The following CACNB4 variants were observed in gnomAD, a reference collection of about 807,000 sequenced individuals.
The protein encoded by CACNB4 is calcium voltage-gated channel auxiliary subunit beta 4.
A neutral mutation model predicts 71.2 loss-of-function variants in CACNB4; 32 were observed. That is an observed-to-expected ratio of 0.45 (90% CI 0.34 to 0.60). CACNB4 has a LOEUF of 0.60. CACNB4 is among the 20% of genes least tolerant of loss of function. CACNB4 has a pLI of 0.01. For missense variants in CACNB4, 464 were observed against 647.9 expected, an observed-to-expected ratio of 0.72 and a Z score of 3.08; for synonymous variants, 231 against 236.9, an observed-to-expected ratio of 0.97 and a Z score of 0.23.
intron 10 of CACNB4, 50 bp from the exon 11 acceptor site, chr2:151,855,425 C>A: frequency 7.4e-7 from 1 of 1,355,678 alleles, no homozygotes; most frequent in East Asian, 2.4e-5. Flanking sequence ...TGAATTAGTT[C>A]TTACATTAGA....
chr2:151,872,218 C>A (rs2099844825), intron 6 of CACNB4, 199 bp downstream of exon 6: 2 of 539,754 alleles, frequency 3.7e-6, no homozygotes, highest in South Asian at 4.0e-5. Flanking sequence ...AAATTATATT[C>A]TAATGACATG....
At chr2:151,916,161 C>T (rs2099857465) in intron 2 of CACNB4, among the ~76,000 whole-genome samples, 1 of 152,162 alleles carries the variant, frequency 6.6e-6, no homozygotes, top group Admixed American at 6.5e-5. Context: ...TCCATGGGAG[C>T]CTCCAAAAGC....
intron 2 of CACNB4, among the ~76,000 whole-genome samples, chr2:152,020,980 C>A (rs1297626016): frequency 6.6e-6 from 1 of 152,158 alleles, no homozygotes; most frequent in Non-Finnish European, 1.5e-5. Context: ...TAGCTGGGTG[C>A]GGTGGTTCAC....
intron 3 of CACNB4, chr2:151,883,044 CA>C: frequency 3.6e-6 from 2 of 557,712 alleles, no homozygotes; most frequent in Non-Finnish European, 6.4e-6. Flanking sequence ...AAACCAAATA[CA>C]AAAAGGTGAA....
intron 2 of CACNB4, among the ~76,000 whole-genome samples, chr2:151,890,893 T>C (rs773583310): frequency 6.6e-5 from 10 of 152,202 alleles, no homozygotes; most frequent in Non-Finnish European, 1.2e-4. Context: ...GCATTTTAGT[T>C]CTTGGTAGGT....
intron 2 of CACNB4, among the ~76,000 whole-genome samples, chr2:151,906,879 G>C (rs966447521): frequency 1.3e-5 from 2 of 152,182 alleles, no homozygotes; most frequent in African/African-American, 4.8e-5. Context: ...TCATCCTGAA[G>C]GCGGAGGCAT....
intron 2 of CACNB4, among the ~76,000 whole-genome samples, chr2:151,896,444 T>A (rs2099852087): frequency 1.3e-5 from 2 of 152,194 alleles, no homozygotes; most frequent in Non-Finnish European, 2.9e-5. Context: ...CCTAGCTTCC[T>A]CCACAGAAGA....
chr2:152,006,852 T>C (rs1682760645), intron 2 of CACNB4, among the ~76,000 whole-genome samples: 1 of 152,180 alleles, frequency 6.6e-6, no homozygotes, highest in South Asian at 2.1e-4. Context: ...CCTATCTATC[T>C]AGAATACCTC....
chr2:151,858,579 A>C (rs1283692110), intron 10 of CACNB4: 1 of 152,246 alleles, frequency 6.6e-6, no homozygotes, highest in Non-Finnish European at 1.5e-5. Context: ...TGACAATGGA[A>C]AACATTCTGA....
At chr2:151,937,391 C>A (rs1167382201) in intron 2 of CACNB4, among the ~76,000 whole-genome samples, 1 of 152,098 alleles carries the variant, frequency 6.6e-6, no homozygotes. Flanking sequence ...TTATATTAAG[C>A]TTTTTTTCAG....
At chr2:152,074,977 A>C (rs10803935) in intron 2 of CACNB4, among the ~76,000 whole-genome samples, 1 of 152,154 alleles carries the variant, frequency 6.6e-6, no homozygotes, top group African/African-American at 2.4e-5. Context: ...ACAGAGAAAC[A>C]GGCAGAGGCT....
chr2:151,896,206 A>G (rs968233072), intron 2 of CACNB4, among the ~76,000 whole-genome samples: 17 of 152,192 alleles, frequency 1.1e-4, no homozygotes, highest in African/African-American at 1.4e-4. Flanking sequence ...AACAGAGACT[A>G]TATTAGTATG....
chr2:151,862,730 C>G (rs1241139900), intron 9 of CACNB4, among the ~76,000 whole-genome samples: 1 of 152,208 alleles, frequency 6.6e-6, no homozygotes, highest in Non-Finnish European at 1.5e-5. Context: ...AAGAGGGAAA[C>G]TGAGACACAC....
At chr2:151,872,328 T>G in intron 6 of CACNB4, 89 bp downstream of exon 6, 1 of 740,326 alleles carries the variant, frequency 1.4e-6, no homozygotes, top group Non-Finnish European at 2.4e-6. Flanking sequence ...TTCAAATTGT[T>G]TCCAAATTAG....
chr2:152,017,693 G>A (rs1683422697), intron 2 of CACNB4, among the ~76,000 whole-genome samples: 1 of 151,464 alleles, frequency 6.6e-6, no homozygotes, highest in Non-Finnish European at 1.5e-5. Context: ...GAGTGACAGA[G>A]TGAGACTCCG....
At chr2:151,982,663 G>T (rs887492997) in intron 2 of CACNB4, among the ~76,000 whole-genome samples, 2 of 151,412 alleles carry the variant, frequency 1.3e-5, no homozygotes, top group Non-Finnish European at 2.9e-5. Context: ...GATACTGACT[G>T]CCTTCCCATT....
At chr2:151,975,441 T>C (rs966952460) in intron 2 of CACNB4, among the ~76,000 whole-genome samples, 1 of 152,178 alleles carries the variant, frequency 6.6e-6, no homozygotes, top group East Asian at 1.9e-4. Flanking sequence ...ATATAAATGA[T>C]AGCAAGAAGA....
At chr2:151,971,679 T>C in intron 2 of CACNB4, 1 of 697,426 alleles carries the variant, frequency 1.4e-6, no homozygotes, top group Non-Finnish European at 2.6e-6. Context: ...TCACACCATC[T>C]TGGGTAACAC....
In CACNB4 at chr2:151,836,646, A is replaced by G. The variant is rs769147323; in HGVS notation, c.*2473T>C. Reference sequence around the variant, plus strand: ...AGGTATGGACATCTGATGGTAATTGATAGATTGGTTTTGTGCACAGATATT... The same window carrying G: ...AGGTATGGACATCTGATGGTAATTGGTAGATTGGTTTTGTGCACAGATATT... On this transcript the variant is annotated 3_prime_UTR_variant, in exon 14 of 14. Transcript: ENST00000539935. The G allele has an allele frequency of 4.6e-5, 7 of 151,928 alleles. No homozygotes were observed. The highest frequency in any genetic ancestry group is 1.0e-4 in the Non-Finnish European group (7 of 67,820). 9.4% of individuals were successfully genotyped at this position (151,928 alleles called of 1,614,324 possible).
Sources: allele counts gnomAD v4.1 joint callset (sites outside exome capture counted in the v4.1 genomes callset), GRCh38; gene constraint gnomAD v4.1.1; transcripts MANE v1.5; gene names NCBI Gene and HGNC (gene_info 2026-07-23, HGNC 2026-07-21).